Variants in ATG7 observed in about 807,000 individuals in gnomAD.
ATG7 encodes ubiquitin-like modifier-activating enzyme ATG7.
In ATG7, 70 loss-of-function variants were observed where a neutral mutation model predicts 82.4. The observed-to-expected ratio is 0.85, with a 90% CI of 0.70 to 1.04. The LOEUF is 1.04. Ranked by LOEUF, ATG7 falls within the 50% of genes least tolerant of loss-of-function variation. ATG7 has a pLI of 0.00. For synonymous variants in ATG7, 287 were observed against 313.0 expected (o/e 0.92, Z 0.88); for missense variants, 792 against 864.3 (o/e 0.92, Z 1.05).
At chr3:11,535,174 C>T (rs548603669) in intron 20 of ATG7, among the ~76,000 whole-genome samples, 3 of 152,216 alleles carry the variant, frequency 2.0e-5, no homozygotes, top group Non-Finnish European at 4.4e-5. Context: ...GGCCTGGACC[C>T]GGGCCATGCC....
intron 18 of ATG7, among the ~76,000 whole-genome samples, chr3:11,366,592 C>T (rs887618655): frequency 2.0e-5 from 3 of 152,092 alleles, no homozygotes; most frequent in Non-Finnish European, 4.4e-5. Context: ...GCCCTCATCT[C>T]CTTTACAGAC....
intron 20 of ATG7, among the ~76,000 whole-genome samples, chr3:11,511,004 G>A (rs557194149): frequency 2.6e-5 from 4 of 152,112 alleles, no homozygotes; most frequent in East Asian, 1.9e-4. Flanking sequence ...AGATGTGTTC[G>A]GAGTTTCTTC....
At chr3:11,564,694 C>A in the ATG7 span, 1 of 1,388,712 alleles carries the variant, frequency 7.2e-7, no homozygotes, top group South Asian at 1.3e-5. Context: ...CACCACCTCC[C>A]TCCCTCACCA....
chr3:11,402,483 C>T (rs774715553), intron 19 of ATG7, among the ~76,000 whole-genome samples: 1 of 152,110 alleles, frequency 6.6e-6, no homozygotes, highest in Non-Finnish European at 1.5e-5. Context: ...GCTGATAAGA[C>T]CCTGAAAAAC....
At chr3:11,456,549 T>G (rs1218866658) in intron 20 of ATG7, among the ~76,000 whole-genome samples, 1 of 152,196 alleles carries the variant, frequency 6.6e-6, no homozygotes, top group Non-Finnish European at 1.5e-5. Flanking sequence ...TCTATTCTTT[T>G]GGCAATATGA....
intron 18 of ATG7, among the ~76,000 whole-genome samples, chr3:11,366,248 T>TA (rs1246162520): frequency 6.7e-6 from 1 of 150,040 alleles, no homozygotes; most frequent in Non-Finnish European, 1.5e-5. Flanking sequence ...ATAGAACTTG[T>TA]AGAGTTCACT....
At chr3:11,387,802 C>G (rs1419169092) in intron 19 of ATG7, among the ~76,000 whole-genome samples, 1 of 152,094 alleles carries the variant, frequency 6.6e-6, no homozygotes, top group Non-Finnish European at 1.5e-5. Flanking sequence ...AACACTGTCT[C>G]TACTAAAAAG....
chr3:11,382,913 G>A (rs535046556), intron 19 of ATG7, among the ~76,000 whole-genome samples: 2 of 152,162 alleles, frequency 1.3e-5, no homozygotes, highest in East Asian at 1.9e-4. Context: ...ATTTGCTGTC[G>A]TCCTCCAATC....
intron 14 of ATG7, among the ~76,000 whole-genome samples, chr3:11,353,667 C>T (rs895997208): frequency 6.6e-6 from 1 of 152,000 alleles, no homozygotes; most frequent in African/African-American, 2.4e-5. Context: ...TTCACGTGAG[C>T]GAGAGCTAGT....
At chr3:11,355,469 A>C (rs2075869939) in intron 14 of ATG7, among the ~76,000 whole-genome samples, 1 of 152,240 alleles carries the variant, frequency 6.6e-6, no homozygotes, top group Non-Finnish European at 1.5e-5. Context: ...AGACATGTGC[A>C]GTCCTCTTAT....
chr3:11,417,810 A>ATTTTTT (rs368598930), intron 19 of ATG7, among the ~76,000 whole-genome samples: 2 of 97,982 alleles, frequency 2.0e-5, no homozygotes, highest in African/African-American at 8.7e-5. Flanking sequence ...ATTTTATTTT[A>ATTTTTT]TTTTATTTTT....
intron 20 of ATG7, among the ~76,000 whole-genome samples, chr3:11,538,720 A>AG (rs1206967604): frequency 1.3e-5 from 2 of 149,482 alleles, no homozygotes; most frequent in African/African-American, 4.9e-5. Context: ...GCCAAAAAAA[A>AG]AAAAAAAGCC....
At chr3:11,478,481 A>G (rs780295533) in intron 20 of ATG7, among the ~76,000 whole-genome samples, 3 of 152,202 alleles carry the variant, frequency 2.0e-5, no homozygotes, top group Non-Finnish European at 4.4e-5. Flanking sequence ...TGTCATGGCT[A>G]CATTATCATG....
At chr3:11,402,605 C>T (rs145866721) in intron 19 of ATG7, among the ~76,000 whole-genome samples, 1 of 152,270 alleles carries the variant, frequency 6.6e-6, no homozygotes, top group East Asian at 1.9e-4. Flanking sequence ...ACACATGCAC[C>T]AGCCCCGTGA....
At chr3:11,346,169 A>G (rs960836928) in intron 13 of ATG7, among the ~76,000 whole-genome samples, 1 of 152,156 alleles carries the variant, frequency 6.6e-6, no homozygotes, top group African/African-American at 2.4e-5. Context: ...GTTCACTGCA[A>G]TGTCTGCTAA....
chr3:11,406,460 T>C (rs933913396), intron 19 of ATG7, among the ~76,000 whole-genome samples: 3 of 152,076 alleles, frequency 2.0e-5, no homozygotes, highest in Non-Finnish European at 4.4e-5. Flanking sequence ...CACCTGCTAC[T>C]GTGCCCAGTT....
At chr3:11,520,266 A>T (rs2092406418) in intron 20 of ATG7, among the ~76,000 whole-genome samples, 2 of 152,172 alleles carry the variant, frequency 1.3e-5, no homozygotes, top group Non-Finnish European at 2.9e-5. Context: ...CTCTACCATG[A>T]GTGGCAAGCC....
At chr3:11,563,948 G>T in the ATG7 span, among the ~76,000 whole-genome samples, 2 of 152,294 alleles carry the variant, frequency 1.3e-5, no homozygotes, top group South Asian at 4.1e-4. Flanking sequence ...GTGCCACTTG[G>T]AGGGAAGCCC....
chr3:11,310,480 A>T (rs1948471612), intron 7 of ATG7, among the ~76,000 whole-genome samples: 1 of 152,228 alleles, frequency 6.6e-6, no homozygotes, highest in Non-Finnish European at 1.5e-5. Context: ...AAACAAGGCC[A>T]GTGGGTGGCT....
Sources: gnomAD v4.1 joint callset for allele counts (sites outside exome capture counted in the v4.1 genomes callset) on GRCh38, gnomAD v4.1.1 for gene constraint, MANE v1.5 for transcripts, NCBI Gene and HGNC (gene_info 2026-07-23, HGNC 2026-07-21) for gene names.